The following USPL1 variants were observed in gnomAD, a reference collection of about 807,000 sequenced individuals.
The protein encoded by USPL1 is ubiquitin specific peptidase like 1, also known as SUMO-specific isopeptidase USPL1.
USPL1 carries 27 observed loss-of-function variants against 51.5 expected under a neutral mutation model. That is an observed-to-expected ratio of 0.52 (90% CI 0.39 to 0.72). The LOEUF is 0.72. USPL1 is among the 30% of genes least tolerant of loss of function. The pLI, the probability that USPL1 is intolerant of heterozygous loss-of-function variation, is 0.00. For synonymous variants in USPL1, 451 were observed against 459.6 expected, an observed-to-expected ratio of 0.98 and a Z score of 0.24; for missense variants, 1,226 against 1,268.0, an observed-to-expected ratio of 0.97 and a Z score of 0.50.
At chr13:30,618,182 G>A (rs886682546) in intron 1 of USPL1, 126 bp downstream of exon 1, 1 of 152,446 alleles carries the variant, frequency 6.6e-6, no homozygotes, top group Admixed American at 6.5e-5. Flanking sequence ...GTTCAAGTGG[G>A]AAAGGTTGAT....
chr13:30,655,196 C>T (rs780397509), intron 8 of USPL1, among the ~76,000 whole-genome samples: 3 of 152,140 alleles, frequency 2.0e-5, no homozygotes, highest in Non-Finnish European at 2.9e-5. Flanking sequence ...CTCGGCCTCC[C>T]GAAGTGCTGG....
chr13:30,641,906 A>ATTT (rs779288804), intron 5 of USPL1, among the ~76,000 whole-genome samples: 2 of 141,454 alleles, frequency 1.4e-5, no homozygotes, highest in Admixed American at 7.1e-5. Context: ...CATTTCCATA[A>ATTT]TTTTTTTTTT....
chr13:30,634,491 T>A (rs910914376), intron 4 of USPL1, among the ~76,000 whole-genome samples: 1 of 152,236 alleles, frequency 6.6e-6, no homozygotes, highest in Non-Finnish European at 1.5e-5. Context: ...TGTTTTGATC[T>A]TCTGGGACCT....
At chr13:30,650,420 T>C (rs549703902) in intron 7 of USPL1, among the ~76,000 whole-genome samples, 51 of 151,692 alleles carry the variant, frequency 3.4e-4, no homozygotes, top group South Asian at 1.9e-3. Flanking sequence ...CTACTAAAAA[T>C]ACAAAAATCA....
At chr13:30,640,432 G>A (rs1327183362) in intron 5 of USPL1, among the ~76,000 whole-genome samples, 1 of 152,160 alleles carries the variant, frequency 6.6e-6, no homozygotes, top group African/African-American at 2.4e-5. Flanking sequence ...GCTCACACCT[G>A]TAATCCCAGC....
chr13:30,624,180 T>C (rs1390143610), intron 3 of USPL1, among the ~76,000 whole-genome samples: 1 of 152,186 alleles, frequency 6.6e-6, no homozygotes, highest in Non-Finnish European at 1.5e-5. Context: ...GATTATAGGA[T>C]ACCCATTTGG....
At chr13:30,645,489 G>A (rs1455446764) in intron 6 of USPL1, among the ~76,000 whole-genome samples, 4 of 152,152 alleles carry the variant, frequency 2.6e-5, no homozygotes, top group Admixed American at 6.5e-5. Context: ...GCCACTAGCC[G>A]CTTTTGTTTG....
intron 7 of USPL1, among the ~76,000 whole-genome samples, chr13:30,651,328 C>T (rs1054400446): frequency 1.3e-5 from 2 of 152,206 alleles, no homozygotes; most frequent in Non-Finnish European, 2.9e-5. Context: ...TCATTTCTTA[C>T]TACCTAGGGG....
At chr13:30,622,648 G>C (rs1039846102) in intron 3 of USPL1, among the ~76,000 whole-genome samples, 8 of 152,178 alleles carry the variant, frequency 5.3e-5, no homozygotes, top group African/African-American at 9.7e-5. Flanking sequence ...AAAATTAGCA[G>C]TTCATCAGAA....
intron 4 of USPL1, among the ~76,000 whole-genome samples, chr13:30,634,425 C>T (rs1950847754): frequency 6.6e-6 from 1 of 152,140 alleles, no homozygotes; most frequent in Admixed American, 6.5e-5. Flanking sequence ...GTAACTGAAA[C>T]CATAGGAAGC....
chr13:30,631,593 C>T, intron 4 of USPL1, 119 bp downstream of exon 4: 1 of 1,048,556 alleles, frequency 9.5e-7, no homozygotes, highest in Non-Finnish European at 1.3e-6. Flanking sequence ...CTTGACTTCC[C>T]TGGCTCAGGT....
At chr13:30,650,534 G>A (rs935729215) in intron 7 of USPL1, among the ~76,000 whole-genome samples, 3 of 148,904 alleles carry the variant, frequency 2.0e-5, no homozygotes, top group Non-Finnish European at 4.4e-5. Context: ...CAGAGATTGT[G>A]CCACTGCACT....
intron 8 of USPL1, among the ~76,000 whole-genome samples, chr13:30,655,213 A>T (rs1951145921): frequency 1.3e-5 from 2 of 152,250 alleles, no homozygotes; most frequent in Non-Finnish European, 2.9e-5. Flanking sequence ...CTGGGATTAC[A>T]GGCATGAGCC....
chr13:30,643,677 C>T (rs1456883022), intron 6 of USPL1, among the ~76,000 whole-genome samples: 1 of 145,788 alleles, frequency 6.9e-6, no homozygotes, highest in Non-Finnish European at 1.5e-5. Flanking sequence ...CAGCGTGATC[C>T]CGGCTCACTG....
At position 30,621,182 on chromosome 13, in the gene USPL1, T is replaced by C. The variant is rs778313830; in HGVS notation, c.42T>C (p.Ile14=). 31 of 1,608,146 alleles carry C rather than the reference T, an allele frequency of 1.9e-5. No homozygotes were observed. The highest frequency in any genetic ancestry group is 2.5e-5 in the Non-Finnish European group (30 of 1,178,030). Residue 14 remains isoleucine, a synonymous_variant, in exon 2 of 9, where the codon ATT becomes ATC. Transcript: ENST00000255304. ...SPKIGNGLPV[I]GPGTDIGISS... ...AGATTGGAAATGGTTTGCCAGTGAT[T>C]GGACCAGGGACTGATATAGGGATAT...
chr13:30,637,116 C>T (rs1279292251), intron 4 of USPL1, among the ~76,000 whole-genome samples: 2 of 151,992 alleles, frequency 1.3e-5, no homozygotes, highest in Non-Finnish European at 2.9e-5. Context: ...CCACCATACC[C>T]AGCTTTTTTT....
chr13:30,631,601 G>A (rs1950807097), intron 4 of USPL1, 127 bp downstream of exon 4: 1 of 914,354 alleles, frequency 1.1e-6, no homozygotes, highest in African/African-American at 1.7e-5. Flanking sequence ...CCCTGGCTCA[G>A]GTGGGCCTCC....
At chr13:30,643,161 G>A (rs879177585) in intron 6 of USPL1, among the ~76,000 whole-genome samples, 7 of 152,086 alleles carry the variant, frequency 4.6e-5, no homozygotes, top group Admixed American at 2.0e-4. Context: ...ATTTCTTCCC[G>A]TAGTCCTGTG....
chr13:30,624,592 T>A (rs1217949092), intron 3 of USPL1, among the ~76,000 whole-genome samples: 2 of 151,914 alleles, frequency 1.3e-5, no homozygotes, highest in East Asian at 1.9e-4. Context: ...TGCATTCCAG[T>A]CAGGATGACA....
Sources: gnomAD v4.1 joint callset for allele counts (sites outside exome capture counted in the v4.1 genomes callset) on GRCh38, gnomAD v4.1.1 for gene constraint, MANE v1.5 for transcripts, NCBI Gene and HGNC (gene_info 2026-07-23, HGNC 2026-07-21) for gene names.